HDX: variants seen among roughly 807,000 people sequenced by gnomAD.
The protein encoded by HDX is highly divergent homeobox.
HDX carries 19 observed loss-of-function variants against 45.2 expected under a neutral mutation model. The ratio of observed to expected loss-of-function variants is 0.42; its 90% CI spans 0.29 to 0.62. The LOEUF is 0.62. HDX is among the 20% of genes least tolerant of loss of function. The pLI, the probability that HDX is intolerant of heterozygous loss-of-function variation, is 0.20. For missense variants in HDX, 532 were observed against 493.9 expected (o/e 1.08, Z -0.73); for synonymous variants, 188 against 172.8 (o/e 1.09, Z -0.69).
chrX:84,340,063 T>C (rs1028752484), intron 7 of HDX, among the ~76,000 whole-genome samples: 1 of 110,378 alleles, frequency 9.1e-6, no homozygotes, highest in Non-Finnish European at 1.9e-5. Context: ...CACACTTCTT[T>C]TCTCTTCATC....
At chrX:84,470,405 A>T (rs1348570373) in intron 3 of HDX, among the ~76,000 whole-genome samples, 1 of 111,697 alleles carries the variant, frequency 9.0e-6, no homozygotes, top group African/African-American at 3.2e-5. Context: ...TATTACTTTC[A>T]TAGAATTGCC....
intron 5 of HDX, among the ~76,000 whole-genome samples, chrX:84,373,263 G>A (rs1033502565): frequency 8.1e-5 from 9 of 110,948 alleles, no homozygotes; most frequent in Non-Finnish European, 1.5e-4. Context: ...GCCCCAAATC[G>A]GCTTCTATCC....
intron 1 of HDX, among the ~76,000 whole-genome samples, chrX:84,494,809 A>C (rs182286904): frequency 1.3e-3 from 144 of 111,629 alleles, no homozygotes; most frequent in African/African-American, 4.5e-3. Context: ...AACTCCTACC[A>C]CATATGATTC....
chrX:84,470,049 T>G (rs1346012485), intron 3 of HDX, among the ~76,000 whole-genome samples: 1 of 112,062 alleles, frequency 8.9e-6, no homozygotes, highest in Non-Finnish European at 1.9e-5. Context: ...CAAATACACA[T>G]TTGCAATCTT....
intron 4 of HDX, among the ~76,000 whole-genome samples, chrX:84,460,387 T>G (rs2040213729): frequency 8.9e-6 from 1 of 112,117 alleles, no homozygotes; most frequent in Non-Finnish European, 1.9e-5. Context: ...ATGGTTAAAC[T>G]TATGCAAATT....
intron 5 of HDX, chrX:84,404,129 A>G (rs1329761760): frequency 8.9e-6 from 1 of 111,799 alleles, no homozygotes; most frequent in Non-Finnish European, 1.9e-5. Flanking sequence ...TTTAATTTTG[A>G]TTAACATTTT....
chrX:84,398,482 A>G (rs1018455183), intron 5 of HDX, among the ~76,000 whole-genome samples: 2 of 112,202 alleles, frequency 1.8e-5, no homozygotes, highest in African/African-American at 6.5e-5. Context: ...AAAGAAAGGC[A>G]TTACATAATG....
intron 5 of HDX, among the ~76,000 whole-genome samples, chrX:84,422,805 A>T (rs1310562924): frequency 6.6e-5 from 7 of 105,558 alleles, no homozygotes; most frequent in African/African-American, 2.4e-4. Flanking sequence ...AGTAGCTGGG[A>T]CTACAGGTGC....
intron 5 of HDX, among the ~76,000 whole-genome samples, chrX:84,427,214 C>T (rs746347367): frequency 9.0e-6 from 1 of 111,037 alleles, no homozygotes; most frequent in South Asian, 3.7e-4. Context: ...GCTTGATCTA[C>T]ATTACATTTC....
intron 8 of HDX, among the ~76,000 whole-genome samples, chrX:84,335,659 G>A (rs2036943890): frequency 9.0e-6 from 1 of 111,069 alleles, no homozygotes; most frequent in South Asian, 3.8e-4. Flanking sequence ...AATTTAAGAT[G>A]AGCACAATTC....
At chrX:84,419,330 A>G (rs1488870473) in intron 5 of HDX, among the ~76,000 whole-genome samples, 1 of 108,332 alleles carries the variant, frequency 9.2e-6, no homozygotes, top group Non-Finnish European at 1.9e-5. Flanking sequence ...ACCCCAGGCC[A>G]GGCAGCATTC....
At chrX:84,340,906 T>C (rs1162097050) in intron 7 of HDX, among the ~76,000 whole-genome samples, 1 of 111,661 alleles carries the variant, frequency 9.0e-6, no homozygotes, top group Non-Finnish European at 1.9e-5. Flanking sequence ...TTGATTACTA[T>C]GCCAGCTATT....
At position 84,489,517 on chromosome X, in the gene HDX, G is replaced by A. The variant is rs149546907; in HGVS notation, c.-109-1385C>T. On this transcript the variant is annotated intron_variant, in intron 1 of 10. Transcript: ENST00000373177. ...AACAAACATTGGTATTCCACTCCCA[G>A]GTCAGTCTGTCAATTTTTGTGTACC... Among the ~76,000 whole-genome samples the A allele has an allele frequency of 2.4e-3, 263 of 111,866 alleles. 7 individuals are homozygous for A. In the East Asian group the frequency reaches 0.068, roughly 29 times the overall value.
At chrX:84,329,709 A>G (rs2036802516) in intron 9 of HDX, among the ~76,000 whole-genome samples, 1 of 111,886 alleles carries the variant, frequency 8.9e-6, no homozygotes, top group African/African-American at 3.2e-5. Flanking sequence ...GATTAAAAAT[A>G]AAGTCTATCC....
intron 5 of HDX, among the ~76,000 whole-genome samples, chrX:84,412,265 G>A (rs1057004868): frequency 9.0e-6 from 1 of 111,111 alleles, no homozygotes; most frequent in Non-Finnish European, 1.9e-5. Context: ...AATGGTCTAT[G>A]TACTTAAGTG....
intron 2 of HDX, among the ~76,000 whole-genome samples, chrX:84,481,542 T>C (rs747350428): frequency 9.0e-6 from 1 of 111,191 alleles, no homozygotes; most frequent in African/African-American, 3.3e-5. Context: ...TTTATTTTCC[T>C]ACAGCACTCT....
chrX:84,440,795 G>A (rs995104635), intron 4 of HDX, among the ~76,000 whole-genome samples: 9 of 111,002 alleles, frequency 8.1e-5, no homozygotes, highest in African/African-American at 2.9e-4. Context: ...CAGACTTCTG[G>A]GAATTCAAAA....
intron 7 of HDX, among the ~76,000 whole-genome samples, chrX:84,341,764 G>A (rs2037091710): frequency 1.9e-5 from 2 of 106,493 alleles, no homozygotes; most frequent in South Asian, 8.5e-4. Context: ...ACGTTGCTGA[G>A]GCTGGAGTAC....
Position 84,336,888 on chromosome X carries a change from A to G in HDX, c.1661-8T>C, listed in dbSNP as rs1222995939. ...CAACTTCATTGGGCTCTTCTACAGA[A>G]AAAAATGCCATAATTTCATTTTCAT... On this transcript the variant is annotated splice_polypyrimidine_tract_variant and splice_region_variant and intron_variant, in intron 7 of 10. Coordinates refer to ENST00000373177, the MANE Select transcript of HDX (RefSeq NM_001177479.2). The G allele has an allele frequency of 8.1e-6, 9 of 1,117,872 alleles. No individual in the cohort carries two copies. The highest frequency in any genetic ancestry group is 9.7e-6 in the Non-Finnish European group (8 of 824,603). 92.1% of individuals were successfully genotyped at this position (1,117,872 alleles called of 1,213,427 possible).
Sources: allele counts gnomAD v4.1 joint callset (sites outside exome capture counted in the v4.1 genomes callset), GRCh38; gene constraint gnomAD v4.1.1; transcripts MANE v1.5; gene names NCBI Gene and HGNC (gene_info 2026-07-23, HGNC 2026-07-21).